The following CCDC102B variants were observed in gnomAD, a reference collection of about 807,000 sequenced individuals.
CCDC102B encodes the protein coiled-coil domain containing 102B, also known as coiled-coil domain-containing protein 102B.
In CCDC102B, 75 loss-of-function variants were observed where a neutral mutation model predicts 57.4. That is an observed-to-expected ratio of 1.31 (90% CI 1.08 to 1.58). The LOEUF (loss-of-function observed/expected upper bound fraction) is 1.58, where lower values mean the gene tolerates loss of function less well. Among genes scored for constraint, CCDC102B ranks in the 40% most tolerant of loss-of-function variants. CCDC102B has a pLI of 0.00. For synonymous variants in CCDC102B, 206 were observed against 201.9 expected (o/e 1.02, Z -0.17); for missense variants, 636 against 582.6 (o/e 1.09, Z -0.94).
chr18:68,759,667 T>C (rs2145264967), intron 2 of CCDC102B, among the ~76,000 whole-genome samples: 1 of 152,256 alleles, frequency 6.6e-6, no homozygotes, highest in South Asian at 2.1e-4. Flanking sequence ...CTGTAAAGTA[T>C]TCATTTATTT....
chr18:68,989,269 CA>C (rs958148645), intron 6 of CCDC102B, among the ~76,000 whole-genome samples: 1 of 151,908 alleles, frequency 6.6e-6, no homozygotes, highest in African/African-American at 2.4e-5. Context: ...CACCTTTGGA[CA>C]AAAAATATAT....
At position 69,041,499 on chromosome 18, in the gene CCDC102B, C is replaced by T. The variant is rs143368706; in HGVS notation, c.1435-12531C>T. Among the ~76,000 whole-genome samples the T allele has an allele frequency of 4.9e-3, 739 of 152,174 alleles. 7 individuals carry two copies. The highest frequency in any genetic ancestry group is 0.016 in the African/African-American group (647 of 41,548). ...CTACAAAAGTTTACTGTTTCATCTT[C>T]CTGCTTCCCCTATGGACTCCTTATA... is the stretch of plus-strand genomic sequence containing the variant. On this transcript the variant is annotated intron_variant, in intron 7 of 7. Transcript: ENST00000360242.
At chr18:68,956,387 A>AAT (rs1240398551) in intron 6 of CCDC102B, among the ~76,000 whole-genome samples, 4 of 47,366 alleles carry the variant, frequency 8.4e-5, no homozygotes, top group Non-Finnish European at 1.0e-4. Flanking sequence ...TATAATATAT[A>AAT]ATATATATAT....
chr18:68,808,478 T>TC (rs1394718797), intron 1 of CCDC102B, among the ~76,000 whole-genome samples: 1 of 139,654 alleles, frequency 7.2e-6, no homozygotes, highest in East Asian at 2.0e-4. Context: ...CTTTTTTTTT[T>TC]TTTTTTTTTT....
intron 7 of CCDC102B, among the ~76,000 whole-genome samples, chr18:69,051,893 C>T (rs549207350): frequency 6.6e-6 from 1 of 151,086 alleles, no homozygotes; most frequent in Non-Finnish European, 1.5e-5. Context: ...CCTGCTTGAT[C>T]AAGAACATAA....
intron 6 of CCDC102B, among the ~76,000 whole-genome samples, chr18:69,009,751 C>T (rs1277427757): frequency 6.6e-6 from 1 of 151,378 alleles, no homozygotes; most frequent in Non-Finnish European, 1.5e-5. Flanking sequence ...ACCTAGACAT[C>T]CTAAGAAAAT....
At chr18:68,790,526 T>A (rs1166751361) in intron 2 of CCDC102B, among the ~76,000 whole-genome samples, 1 of 152,108 alleles carries the variant, frequency 6.6e-6, no homozygotes, top group Non-Finnish European at 1.5e-5. Context: ...GGATATAATC[T>A]CGTGGTGCGC....
intron 1 of CCDC102B, among the ~76,000 whole-genome samples, chr18:68,818,140 T>G (rs1179016918): frequency 6.8e-6 from 1 of 147,570 alleles, no homozygotes; most frequent in Non-Finnish European, 1.5e-5. Context: ...TGGAGGAAAA[T>G]GTCTCCTTTC....
intron 1 of CCDC102B, among the ~76,000 whole-genome samples, chr18:68,803,734 G>GA (rs2035935071): frequency 2.0e-5 from 3 of 152,060 alleles, no homozygotes; most frequent in Non-Finnish European, 4.4e-5. Context: ...CTTTCAATGG[G>GA]AAAAATCACA....
intron 1 of CCDC102B, among the ~76,000 whole-genome samples, chr18:68,821,865 A>C (rs901907315): frequency 2.0e-5 from 3 of 152,108 alleles, no homozygotes; most frequent in African/African-American, 7.2e-5. Flanking sequence ...AATAAAATAA[A>C]ATATTCCAAA....
intron 3 of CCDC102B, among the ~76,000 whole-genome samples, chr18:68,842,427 C>A (rs2037674755): frequency 6.6e-6 from 1 of 151,910 alleles, no homozygotes; most frequent in Non-Finnish European, 1.5e-5. Flanking sequence ...TGGCAATTCA[C>A]TGCCAAATGA....
At chr18:68,841,190 G>C (rs2037613792) in intron 3 of CCDC102B, among the ~76,000 whole-genome samples, 1 of 152,150 alleles carries the variant, frequency 6.6e-6, no homozygotes, top group African/African-American at 2.4e-5. Context: ...GAATATCAGT[G>C]AGTGGGTGGC....
intron 7 of CCDC102B, among the ~76,000 whole-genome samples, chr18:69,025,297 A>T (rs192918639): frequency 2.6e-5 from 4 of 152,318 alleles, no homozygotes; most frequent in African/African-American, 9.6e-5. Context: ...AAAACAAAAG[A>T]CTACTTTAAA....
chr18:68,818,627 G>A (rs1235196427), intron 1 of CCDC102B, among the ~76,000 whole-genome samples: 2 of 152,098 alleles, frequency 1.3e-5, no homozygotes, highest in African/African-American at 4.8e-5. Flanking sequence ...TTGGGATTAT[G>A]CAGTATGTAT....
chr18:68,721,921 C>G (rs1402978307), intron 2 of CCDC102B, among the ~76,000 whole-genome samples: 1 of 152,190 alleles, frequency 6.6e-6, no homozygotes, highest in Non-Finnish European at 1.5e-5. Flanking sequence ...AACTTGGACA[C>G]TATAACTTTT....
chr18:68,716,013 A>G lies in CCDC102B; in HGVS notation c.-133-515A>G, dbSNP rs2031949034. On this transcript the variant is annotated intron_variant, in intron 1 of 3. Transcript: ENST00000578970. ...TGACTAGAAGATTAAATTGCACTCT[A>G]ATTGAGAGCAAGCCCTAAATGTCAC... 2.0e-5 allele frequency among the ~76,000 whole-genome samples: 3 copies of G among 152,318 alleles called. No homozygotes were observed. The South Asian group carries it at 6.2e-4, about 32-fold the overall frequency.
chr18:68,953,265 G>T (rs1162071326), intron 6 of CCDC102B, among the ~76,000 whole-genome samples: 3 of 151,014 alleles, frequency 2.0e-5, no homozygotes, highest in Non-Finnish European at 4.4e-5. Flanking sequence ...AGGAACCTAT[G>T]TACAGTTTTT....
At chr18:69,046,192 G>C (rs567009459) in intron 7 of CCDC102B, among the ~76,000 whole-genome samples, 2 of 152,036 alleles carry the variant, frequency 1.3e-5, no homozygotes, top group Non-Finnish European at 2.9e-5. Context: ...TCCCAGAATG[G>C]CTGAACTAAT....
At chr18:69,019,673 A>G (rs1358143783) in intron 7 of CCDC102B, among the ~76,000 whole-genome samples, 3 of 152,078 alleles carry the variant, frequency 2.0e-5, no homozygotes, top group African/African-American at 7.2e-5. Context: ...ATCTAAAAAC[A>G]GAGATACACT....
Sources: gnomAD v4.1 joint callset for allele counts (sites outside exome capture counted in the v4.1 genomes callset) on GRCh38, gnomAD v4.1.1 for gene constraint, MANE v1.5 for transcripts, NCBI Gene and HGNC (gene_info 2026-07-23, HGNC 2026-07-21) for gene names.